DNAH9: variants seen among roughly 807,000 people sequenced by gnomAD.
DNAH9 encodes the protein dynein axonemal heavy chain 9, also known as DNAH9 variant protein.
DNAH9 carries 345 observed loss-of-function variants against 471.6 expected under a neutral mutation model. That is an observed-to-expected ratio of 0.73 (90% CI 0.67 to 0.80). The LOEUF is 0.80. Among genes scored for constraint, DNAH9 ranks in the 30% least tolerant of loss-of-function variants. The pLI is 0.00. For missense variants in DNAH9, 5,407 were observed against 5,609.2 expected, an observed-to-expected ratio of 0.96 and a Z score of 1.15; for synonymous variants, 2,093 against 2,123.6, an observed-to-expected ratio of 0.99 and a Z score of 0.40.
rs1184222896 is a variant in DNAH9 at position 11,711,963 on chromosome 17, T to C, written c.5552+6778T>C. 2.5e-3 allele frequency among the ~76,000 whole-genome samples: 22 copies of C among 8,664 alleles called. 2 individuals are homozygous for C. Among genetic ancestry groups the C allele is most frequent in the Non-Finnish European group, 5.2e-3 (9 of 1,734 alleles). 5.7% of individuals were successfully genotyped at this position (8,664 alleles called of 152,430 possible). On this transcript the variant is annotated intron_variant, in intron 26 of 68. Coordinates refer to ENST00000262442, the MANE Select transcript of DNAH9 (RefSeq NM_001372.4). ...TTGTATATATATTTATATATAAATA[T>C]ATATATTTGTATATATATTTATATA...
chr17:11,822,026 G>C lies in DNAH9; in HGVS notation c.8814G>C (p.Trp2938Cys), dbSNP rs764849486. The C allele has an allele frequency of 6.2e-7, 1 of 1,614,068 alleles. No homozygotes were observed. Among genetic ancestry groups the C allele is most frequent in the South Asian group, 1.1e-5 (1 of 91,054 alleles). Residue 2938 changes from tryptophan (W) to cysteine (C), a missense_variant, in exon 46 of 69, where the codon TGG becomes TGC. Coordinates refer to ENST00000262442, the MANE Select transcript of DNAH9 (RefSeq NM_001372.4). ...TGGTTGACAACAGAGAGAACTGTTG[G>C]AAGTTCTTTATAGATCGGATCCGGC... ...QGLVDNRENC[W>C]KFFIDRIRRQ...
intron 41 of DNAH9, among the ~76,000 whole-genome samples, chr17:11,788,262 GC>G (rs1968940609): frequency 6.6e-6 from 1 of 152,196 alleles, no homozygotes; most frequent in South Asian, 2.1e-4. Flanking sequence ...ACCTAGGAGA[GC>G]TAAGAAGGAG....
chr17:11,771,795 T>C (rs1968216962), intron 38 of DNAH9, among the ~76,000 whole-genome samples: 1 of 152,194 alleles, frequency 6.6e-6, no homozygotes, highest in African/African-American at 2.4e-5. Context: ...CTACTAATAA[T>C]AATAATAATA....
intron 67 of DNAH9, among the ~76,000 whole-genome samples, chr17:11,947,098 C>CT (rs1218408751): frequency 3.3e-5 from 5 of 152,316 alleles, no homozygotes; most frequent in African/African-American, 1.2e-4. Flanking sequence ...AAGGCATCAT[C>CT]TGGGGGCCAC....
chr17:11,854,532 A>G (rs1271220235), intron 50 of DNAH9, 104 bp downstream of exon 50: 2 of 1,342,242 alleles, frequency 1.5e-6, no homozygotes, highest in Non-Finnish European at 2.0e-6. Context: ...AAAGAGAAGC[A>G]GGAAAACCAC....
At position 11,669,751 on chromosome 17, in the gene DNAH9, A is replaced by G; in HGVS notation, c.3310A>G (p.Ser1104Gly). 1.9e-6 allele frequency: 3 copies of G among 1,614,164 alleles called. No homozygotes were observed. In the East Asian group the frequency reaches 6.7e-5, roughly 36 times the overall value. Residue 1104 changes from serine to glycine, a missense_variant, in exon 17 of 69, where the codon AGC becomes GGC. Coordinates refer to ENST00000262442, the MANE Select transcript of DNAH9 (RefSeq NM_001372.4). ...ASLLNIIKRWSLLFKQHLVDH... is the reference protein window; with the variant it reads ...ASLLNIIKRWGLLFKQHLVDH... ...TCTGCTGAATATTATTAAGAGGTGG[A>G]GCCTCCTGTTCAAACAGCATCTTGT...
chr17:11,678,119 G>C (rs1739668595), intron 17 of DNAH9, among the ~76,000 whole-genome samples: 1 of 152,076 alleles, frequency 6.6e-6, no homozygotes, highest in Non-Finnish European at 1.5e-5. Flanking sequence ...GCAGTGGCAT[G>C]ATCTCAACTC....
chr17:11,931,817 T>A (rs1338276886), intron 63 of DNAH9, among the ~76,000 whole-genome samples, 197 bp from the exon 64 acceptor site: 2 of 152,108 alleles, frequency 1.3e-5, no homozygotes, highest in Admixed American at 6.5e-5. Context: ...ATCACCTGAA[T>A]CTAAACCTTA....
intron 14 of DNAH9, among the ~76,000 whole-genome samples, chr17:11,664,373 A>G (rs1281065692): frequency 1.3e-5 from 2 of 152,204 alleles, no homozygotes; most frequent in Admixed American, 1.3e-4. Flanking sequence ...CCAACTGCAA[A>G]ACATTTCAGC....
intron 62 of DNAH9, among the ~76,000 whole-genome samples, chr17:11,924,718 G>A (rs1330176820): frequency 1.3e-5 from 2 of 149,524 alleles, no homozygotes; most frequent in East Asian, 4.0e-4. Context: ...CCGCCTCCCG[G>A]GTTCAAGCGA....
chr17:11,967,604 A>G (rs1567587593), intron 68 of DNAH9, among the ~76,000 whole-genome samples: 1 of 152,242 alleles, frequency 6.6e-6, no homozygotes, highest in Non-Finnish European at 1.5e-5. Flanking sequence ...ATGTAAATGG[A>G]TTAAGCAATA....
intron 33 of DNAH9, among the ~76,000 whole-genome samples, chr17:11,753,224 G>A (rs1032325605): frequency 4.6e-5 from 7 of 152,168 alleles, no homozygotes; most frequent in Admixed American, 2.0e-4. Flanking sequence ...AGACTCTTTA[G>A]TATTTAGAGT....
At chr17:11,624,423 C>A (rs545470999) in intron 6 of DNAH9, among the ~76,000 whole-genome samples, 1 of 152,106 alleles carries the variant, frequency 6.6e-6, no homozygotes, top group East Asian at 1.9e-4. Flanking sequence ...GCAGGAGAAT[C>A]GCTGGAACCT....
At chr17:11,757,911 A>G (rs1288000105) in intron 35 of DNAH9, among the ~76,000 whole-genome samples, 1 of 152,098 alleles carries the variant, frequency 6.6e-6, no homozygotes, top group Non-Finnish European at 1.5e-5. Context: ...GAAGGGGAGG[A>G]AGATTGAAAG....
At chr17:11,933,857 T>G in intron 64 of DNAH9, 23 bp from the exon 65 acceptor site, 1 of 1,596,976 alleles carries the variant, frequency 6.3e-7, no homozygotes, top group Non-Finnish European at 8.6e-7. Context: ...TTCCTTCCTC[T>G]CTTTCTTTCC....
chr17:11,676,305 G>A (rs369080152), intron 17 of DNAH9, among the ~76,000 whole-genome samples: 12 of 134,810 alleles, frequency 8.9e-5, no homozygotes, highest in African/African-American at 1.4e-4. Flanking sequence ...TTTTTGAGAC[G>A]GAGTTTCACT....
intron 45 of DNAH9, among the ~76,000 whole-genome samples, chr17:11,812,200 C>G (rs1047420479): frequency 3.3e-5 from 5 of 150,884 alleles, no homozygotes; most frequent in African/African-American, 1.2e-4. Flanking sequence ...AAAACCACCT[C>G]TTCATCTCAA....
chr17:11,886,860 C>G lies in DNAH9; in HGVS notation c.11007C>G (p.Asn3669Lys). 6.2e-7 allele frequency: 1 copy of G among 1,611,986 alleles called. No individual in the cohort carries two copies. The highest frequency in any genetic ancestry group is 8.5e-7 in the Non-Finnish European group (1 of 1,179,018). The change falls in exon 57 of 69, where the codon AAC (asparagine) becomes AAG (lysine). Residue 3669 changes from asparagine to lysine, a missense_variant. Asn to Lys is a moderately conservative substitution (Grantham distance 94). Around this residue, in one of 3 missense-constraint regions of DNAH9, gnomAD observed 4,636 missense variants for 4,900.3 expected, o/e 0.95. Coordinates refer to ENST00000262442, the MANE Select transcript of DNAH9 (RefSeq NM_001372.4). Reference protein sequence around the residue: ...QEAKVTEVKINEAREHYRPAA... With the variant: ...QEAKVTEVKIKEAREHYRPAA... ...CCAAGGTGACTGAAGTGAAAATCAA[C>G]GAGGCCCGAGAGCACTACCGGCCAG...
intron 44 of DNAH9, 104 bp from the exon 45 acceptor site, chr17:11,810,142 A>T (rs953035622): frequency 6.5e-6 from 9 of 1,391,536 alleles, no homozygotes; most frequent in African/African-American, 1.5e-5. Flanking sequence ...TTTAATTCCC[A>T]TTCAAGCAGA....
Sources: allele counts gnomAD v4.1 joint callset (sites outside exome capture counted in the v4.1 genomes callset), GRCh38; gene constraint gnomAD v4.1.1; regional missense constraint gnomAD v4.1.1; transcripts MANE v1.5; gene names NCBI Gene and HGNC (gene_info 2026-07-23, HGNC 2026-07-21).